NEGR1: variants seen among roughly 807,000 people sequenced by gnomAD.
The protein encoded by NEGR1 is neuronal growth regulator 1.
A neutral mutation model predicts 40.9 loss-of-function variants in NEGR1; 10 were observed. That is an observed-to-expected ratio of 0.24 (90% CI 0.15 to 0.42). NEGR1 has a LOEUF of 0.42. Ranked by LOEUF, NEGR1 falls within the 10% of genes least tolerant of loss-of-function variation. NEGR1 has a pLI of 1.00. For synonymous variants in NEGR1, 185 were observed against 166.8 expected, an observed-to-expected ratio of 1.11 and a Z score of -0.84; for missense variants, 352 against 438.9, an observed-to-expected ratio of 0.80 and a Z score of 1.77.
chr1:71,636,792 T>G (rs1390593012), intron 4 of NEGR1, among the ~76,000 whole-genome samples: 1 of 152,064 alleles, frequency 6.6e-6, no homozygotes, highest in Non-Finnish European at 1.5e-5. Context: ...TAACCAAGAA[T>G]TGTGTTCCAC....
chr1:71,549,374 G>C (rs1648000775), intron 6 of NEGR1, among the ~76,000 whole-genome samples: 1 of 151,800 alleles, frequency 6.6e-6, no homozygotes, highest in Non-Finnish European at 1.5e-5. Context: ...GGCGGGGAAA[G>C]AGAGTGTTAT....
intron 2 of NEGR1, among the ~76,000 whole-genome samples, chr1:71,844,802 C>G (rs1485059137): frequency 6.6e-6 from 1 of 152,150 alleles, no homozygotes; most frequent in Non-Finnish European, 1.5e-5. Context: ...AGTCAGATCA[C>G]TAACACATGG....
At chr1:71,953,787 T>C (rs1303708646) in intron 1 of NEGR1, among the ~76,000 whole-genome samples, 4 of 152,006 alleles carry the variant, frequency 2.6e-5, no homozygotes, top group Non-Finnish European at 5.9e-5. Context: ...AAATGATAAT[T>C]AGCATTTTTA....
chr1:71,535,576 G>T (rs1038531560), intron 6 of NEGR1, among the ~76,000 whole-genome samples: 1 of 151,706 alleles, frequency 6.6e-6, no homozygotes, highest in Non-Finnish European at 1.5e-5. Flanking sequence ...AGATAAAGTA[G>T]AATTCCTGGC....
chr1:71,859,677 T>C (rs950277188), intron 2 of NEGR1, among the ~76,000 whole-genome samples: 1 of 152,020 alleles, frequency 6.6e-6, no homozygotes, highest in African/African-American at 2.4e-5. Flanking sequence ...AGATCCAACA[T>C]AGTATGCATT....
rs1646278372 is a variant in NEGR1, at chr1:71,406,416, T to C, written c.*1030A>G. ...TACCAACTCTTGTAATATTAGGTGA[T>C]AGGACTTTGTGCCCTTTCTGACAAA... On this transcript the variant is annotated 3_prime_UTR_variant, in exon 7 of 7. Coordinates refer to ENST00000357731, the MANE Select transcript of NEGR1 (RefSeq NM_173808.3). 6.6e-6 allele frequency: 1 copy of C among 151,894 alleles called. No homozygotes were observed. The highest frequency in any genetic ancestry group is 1.9e-4 in the East Asian group (1 of 5,182). The allele number at this position is 151,894 out of a possible 1,614,324, so 9.4% of individuals were successfully genotyped here. A position where few individuals can be genotyped will look rare whatever the true frequency, so the allele number is the denominator to read the frequency against.
At chr1:71,731,558 G>T (rs1213506007) in intron 3 of NEGR1, among the ~76,000 whole-genome samples, 2 of 152,134 alleles carry the variant, frequency 1.3e-5, no homozygotes, top group Non-Finnish European at 2.9e-5. Flanking sequence ...AAGTGGAAAA[G>T]GACAATTTCT....
intron 3 of NEGR1, among the ~76,000 whole-genome samples, chr1:71,730,922 GTA>G (rs1285337979): frequency 8.1e-4 from 115 of 141,408 alleles, no homozygotes; most frequent in Middle Eastern, 3.5e-3. Flanking sequence ...GTGTGTGTGT[GTA>G]TGTAACTTGA....
At chr1:71,667,919 A>C (rs1465833629) in intron 4 of NEGR1, among the ~76,000 whole-genome samples, 1 of 152,178 alleles carries the variant, frequency 6.6e-6, no homozygotes, top group East Asian at 1.9e-4. Flanking sequence ...CACTGTATAC[A>C]TTTTAACTAT....
chr1:71,709,839 C>A (rs1376284621), intron 3 of NEGR1, among the ~76,000 whole-genome samples: 3 of 152,188 alleles, frequency 2.0e-5, no homozygotes, highest in Non-Finnish European at 4.4e-5. Context: ...CCTGCAAGCA[C>A]AGGCAACCAA....
chr1:71,501,769 G>C (rs1029073545), intron 6 of NEGR1, among the ~76,000 whole-genome samples: 5 of 151,982 alleles, frequency 3.3e-5, no homozygotes, highest in Admixed American at 3.3e-4. Flanking sequence ...CAGATAAGAA[G>C]AATAAAAAAT....
intron 3 of NEGR1, among the ~76,000 whole-genome samples, chr1:71,730,410 C>A (rs1026253329): frequency 6.6e-6 from 1 of 151,428 alleles, no homozygotes; most frequent in African/African-American, 2.4e-5. Flanking sequence ...AAAAATGAAT[C>A]GAGTAAAACT....
At chr1:72,250,652 A>G (rs72941298) in intron 1 of NEGR1, among the ~76,000 whole-genome samples, 4,004 of 152,264 alleles carry the variant, frequency 0.026, 162 homozygotes, top group African/African-American at 0.09. Flanking sequence ...TCATACATTA[A>G]AGGGGCTTTA....
intron 1 of NEGR1, among the ~76,000 whole-genome samples, chr1:71,986,472 C>A (rs1646395708): frequency 1.3e-5 from 2 of 152,192 alleles, no homozygotes; most frequent in Admixed American, 1.3e-4. Context: ...CTTCCCAACC[C>A]CTTCTACAAC....
intron 3 of NEGR1, among the ~76,000 whole-genome samples, chr1:71,754,977 T>A (rs562696996): frequency 6.6e-6 from 1 of 152,302 alleles, no homozygotes; most frequent in East Asian, 1.9e-4. Context: ...ACATTCATGA[T>A]TCCAAGTTTC....
At chr1:71,586,576 T>C (rs555763202) in intron 6 of NEGR1, among the ~76,000 whole-genome samples, 1 of 152,266 alleles carries the variant, frequency 6.6e-6, no homozygotes, top group South Asian at 2.1e-4. Flanking sequence ...CTAACTGATA[T>C]GTGGTTTTCA....
intron 3 of NEGR1, among the ~76,000 whole-genome samples, chr1:71,730,569 T>TATA (rs1553161610): frequency 1.5e-5 from 2 of 134,712 alleles, no homozygotes; most frequent in South Asian, 2.3e-4. Context: ...TAGTATAAAT[T>TATA]TATATATATA....
chr1:71,424,210 C>A (rs1428099222), intron 6 of NEGR1, among the ~76,000 whole-genome samples: 1 of 152,106 alleles, frequency 6.6e-6, no homozygotes, highest in Non-Finnish European at 1.5e-5. Context: ...AGTGTAATGA[C>A]CCAAAACTAA....
At chr1:72,235,849 C>T (rs765322335) in intron 1 of NEGR1, among the ~76,000 whole-genome samples, 5 of 151,836 alleles carry the variant, frequency 3.3e-5, no homozygotes, top group Non-Finnish European at 7.4e-5. Context: ...GCAAGGCATA[C>T]GATTTTAAGA....
Sources: allele counts gnomAD v4.1 joint callset (sites outside exome capture counted in the v4.1 genomes callset), GRCh38; gene constraint gnomAD v4.1.1; transcripts MANE v1.5; gene names NCBI Gene and HGNC (gene_info 2026-07-23, HGNC 2026-07-21).